Variants in NBN observed in about 807,000 individuals in gnomAD.
NBN encodes the protein Nijmegen breakage syndrome 1 (nibrin).
A neutral mutation model predicts 90.8 loss-of-function variants in NBN; 88 were observed. The observed-to-expected ratio is 0.97, with a 90% CI of 0.82 to 1.16. The LOEUF (loss-of-function observed/expected upper bound fraction) is 1.16, where lower values mean the gene tolerates loss of function less well. Among genes scored for constraint, NBN ranks in the 50% most tolerant of loss-of-function variants. NBN has a pLI of 0.00. For synonymous variants in NBN, 328 were observed against 295.1 expected (o/e 1.11, Z -1.14); for missense variants, 894 against 869.6 (o/e 1.03, Z -0.35).
intron 14 of NBN, among the ~76,000 whole-genome samples, chr8:89,938,295 G>A (rs923037078): frequency 6.6e-6 from 1 of 152,102 alleles, no homozygotes; most frequent in Non-Finnish European, 1.5e-5. Flanking sequence ...CTTGAATCAT[G>A]TTGTTTTGTT....
intron 10 of NBN, 22 bp from the exon 11 acceptor site, chr8:89,953,713 G>A (rs760405007): frequency 1.3e-6 from 2 of 1,575,620 alleles, no homozygotes; most frequent in East Asian, 2.3e-5. Context: ...AAAAAAAGAA[G>A]AAAACAAAAC....
chr8:89,953,110 T>C, intron 11 of NBN, 134 bp downstream of exon 11: 1 of 670,948 alleles, frequency 1.5e-6, no homozygotes, highest in South Asian at 1.8e-5. Flanking sequence ...ATTTACCTTA[T>C]CAACCAACAA....
chr8:89,972,616 C>G (rs1811568005), intron 5 of NBN, among the ~76,000 whole-genome samples: 1 of 152,184 alleles, frequency 6.6e-6, no homozygotes, highest in Non-Finnish European at 1.5e-5. Flanking sequence ...TTTAATATCT[C>G]TTTGAATCCT....
intron 4 of NBN, 102 bp downstream of exon 4, chr8:89,980,632 G>T: frequency 1.0e-6 from 1 of 963,430 alleles, no homozygotes; most frequent in Non-Finnish European, 1.6e-6. Context: ...ACAACTAACA[G>T]TTCTGATAGT....
chr8:89,982,707 A>C lies in NBN; in HGVS notation c.171+15T>G. On this transcript the variant is annotated intron_variant, in intron 2 of 15. Coordinates refer to ENST00000265433, the MANE Select transcript of NBN (RefSeq NM_002485.5). ...CCCCTTACTGGAAACTAGTGAAATAAAATTAGTAACATACCAGGTTGGTTA... is the reference window on the plus strand; with the variant it reads ...CCCCTTACTGGAAACTAGTGAAATACAATTAGTAACATACCAGGTTGGTTA... 6.2e-7 allele frequency: 1 copy of C among 1,609,148 alleles called. No individual in the cohort carries two copies. The highest frequency in any genetic ancestry group is 2.2e-5 in the East Asian group (1 of 44,800).
chr8:89,964,587 C>A, intron 7 of NBN, 80 bp from the exon 8 acceptor site: 1 of 1,395,250 alleles, frequency 7.2e-7, no homozygotes, highest in Non-Finnish European at 9.9e-7. Context: ...GATAAAGCAA[C>A]CTCTTTTTTT....
At chr8:89,971,421 G>A (rs1425999135) in intron 5 of NBN, 131 bp from the exon 6 acceptor site, 58 of 1,087,002 alleles carry the variant, frequency 5.3e-5, no homozygotes, top group Non-Finnish European at 6.8e-5. Flanking sequence ...TTTTAAGTAA[G>A]AATTTTATCT....
chr8:89,978,356 T>C (rs1811875508), intron 4 of NBN, 33 bp from the exon 5 acceptor site: 1 of 1,551,814 alleles, frequency 6.4e-7, no homozygotes, highest in East Asian at 2.3e-5. Context: ...ATATATATAT[T>C]CACATGCTAG....
intron 14 of NBN, chr8:89,937,426 G>A (rs1270619318): frequency 1.5e-5 from 4 of 275,692 alleles, no homozygotes; most frequent in Admixed American, 4.9e-5. Context: ...GAGACTAAGA[G>A]GGCAACATTT....
At chr8:89,964,751 T>C (rs1586076850) in intron 7 of NBN, among the ~76,000 whole-genome samples, 1 of 152,294 alleles carries the variant, frequency 6.6e-6, no homozygotes, top group East Asian at 1.9e-4. Flanking sequence ...AATATAGATC[T>C]TCCCAGTTCT....
At chr8:89,973,261 A>T (rs1586091890) in intron 5 of NBN, among the ~76,000 whole-genome samples, 2 of 152,256 alleles carry the variant, frequency 1.3e-5, no homozygotes, top group Non-Finnish European at 2.9e-5. Context: ...ATATAAATAA[A>T]AATTCAACTT....
At chr8:89,979,039 G>A (rs990873480) in intron 4 of NBN, among the ~76,000 whole-genome samples, 7 of 152,278 alleles carry the variant, frequency 4.6e-5, no homozygotes, top group South Asian at 4.1e-4. Flanking sequence ...CTGCAGTGGC[G>A]TGATCCTGGT....
intron 9 of NBN, among the ~76,000 whole-genome samples, chr8:89,958,171 G>A (rs896516327): frequency 1.2e-4 from 18 of 152,134 alleles, no homozygotes; most frequent in Non-Finnish European, 2.6e-4. Context: ...AGCTCAGGCG[G>A]TAATGCAAGC....
chr8:89,958,699 A>G (rs1810844428), intron 9 of NBN, 26 bp downstream of exon 9: 6 of 1,606,950 alleles, frequency 3.7e-6, no homozygotes, highest in Non-Finnish European at 5.1e-6. Context: ...AATAATAACA[A>G]TAGTACGGTA....
rs140743899 is a variant in NBN at position 89,972,634 on chromosome 8, C to T, written c.585-1344G>A. ...AATATCTCTTTGAATCCTTTTTATC[C>T]TTTATCTCCTAATAAATATTCCCCC... On this transcript the variant is annotated intron_variant, in intron 5 of 15. Transcript: ENST00000265433. Among the ~76,000 whole-genome samples, 321 of 152,268 alleles carry T rather than the reference C, an allele frequency of 2.1e-3. 2 individuals are homozygous for T. Among genetic ancestry groups the T allele is most frequent in the African/African-American group, 7.0e-3 (292 of 41,562 alleles).
At chr8:89,975,343 C>G (rs1811702253) in intron 5 of NBN, among the ~76,000 whole-genome samples, 1 of 152,148 alleles carries the variant, frequency 6.6e-6, no homozygotes, top group Non-Finnish European at 1.5e-5. Flanking sequence ...CTTATGTAAT[C>G]AAAGGCGTCA....
At chr8:89,965,321 A>G (rs993380824) in intron 7 of NBN, among the ~76,000 whole-genome samples, 5 of 152,184 alleles carry the variant, frequency 3.3e-5, no homozygotes, top group South Asian at 2.1e-4. Context: ...TACAAGTATT[A>G]AGGTATCTTC....
chr8:89,948,038 T>C (rs1434657590), intron 11 of NBN, 146 bp from the exon 12 acceptor site: 1 of 514,298 alleles, frequency 1.9e-6, no homozygotes, highest in Non-Finnish European at 3.5e-6. Context: ...TGACCAGGCA[T>C]TTGGCTTTCA....
In NBN at chr8:89,964,522, T is replaced by C; in HGVS notation, c.897-15A>G. 1 of 1,572,320 alleles carries C rather than the reference T, an allele frequency of 6.4e-7. No individual in the cohort carries two copies. Among genetic ancestry groups the C allele is most frequent in the Non-Finnish European group, 8.8e-7 (1 of 1,142,626 alleles). On this transcript the variant is annotated splice_polypyrimidine_tract_variant and intron_variant, in intron 7 of 15. Transcript: ENST00000265433. ...TAAGACCTTGCCTATTAGAATAAAA[T>C]AGTTTAAGTATGATAATATATTAAA...
Sources: allele counts gnomAD v4.1 joint callset (sites outside exome capture counted in the v4.1 genomes callset), GRCh38; gene constraint gnomAD v4.1.1; transcripts MANE v1.5; gene names NCBI Gene and HGNC (gene_info 2026-07-23, HGNC 2026-07-21).